The following SLC22A23 variants were observed in gnomAD, a reference collection of about 807,000 sequenced individuals.
The protein encoded by SLC22A23 is solute carrier family 22 member 23.
Under a neutral mutation model 61.0 loss-of-function variants are expected in SLC22A23, and 26 were observed. The ratio of observed to expected loss-of-function variants is 0.43; its 90% confidence interval spans 0.31 to 0.59. The LOEUF (loss-of-function observed/expected upper bound fraction) is 0.59, where lower values mean the gene tolerates loss of function less well. Among genes scored for constraint, SLC22A23 ranks in the 20% least tolerant of loss-of-function variants. The pLI is 0.11. For missense variants in SLC22A23, 796 were observed against 934.7 expected (o/e 0.85, Z 1.94); for synonymous variants, 430 against 413.9 (o/e 1.04, Z -0.47).
chr6:3,428,685 A>G (rs1410762305), intron 1 of SLC22A23, among the ~76,000 whole-genome samples: 5 of 152,194 alleles, frequency 3.3e-5, no homozygotes, highest in African/African-American at 9.7e-5. Context: ...AAAATATATT[A>G]ATAAAATTAA....
Position 3,414,908 on chromosome 6 carries a change from C to T in SLC22A23, c.758+844G>A, listed in dbSNP as rs764768954. On this transcript the variant is annotated intron_variant, in intron 2 of 9. Coordinates refer to ENST00000406686, the MANE Select transcript of SLC22A23 (RefSeq NM_015482.2). This position sits in a 1 kb window ranked among gnomAD's most constrained non-coding sequence, Gnocchi z 5.1. ...GACCACAGAATGCCTTAAATAAAAGCGCTGCAGCATCCTGGTGGAGGGGCA... is the reference window on the plus strand; with the variant it reads ...GACCACAGAATGCCTTAAATAAAAGTGCTGCAGCATCCTGGTGGAGGGGCA... Among the ~76,000 whole-genome samples the T allele has an allele frequency of 6.6e-6, 1 of 152,136 alleles. No individual in the cohort carries two copies. The highest frequency in any genetic ancestry group is 1.5e-5 in the Non-Finnish European group (1 of 68,030).
chr6:3,295,362 G>A (rs914976270), intron 5 of SLC22A23, among the ~76,000 whole-genome samples: 5 of 152,166 alleles, frequency 3.3e-5, no homozygotes, highest in African/African-American at 1.2e-4. Context: ...AGAGGGAGAC[G>A]GTGGTGTGTC....
At position 3,324,246 on chromosome 6, in the gene SLC22A23, T is replaced by C; in HGVS notation, c.914-244A>G. On this transcript the variant is annotated intron_variant, in intron 3 of 9. Coordinates refer to ENST00000406686, the MANE Select transcript of SLC22A23 (RefSeq NM_015482.2). This position sits in a 1 kb window ranked among gnomAD's most constrained non-coding sequence, Gnocchi z 4.3. ...GCTAGTCGATGACGAAGGGATGCTA[T>C]AATTCAGAGGAGCTTAGCTCAGAAA... 3.8e-6 allele frequency: 2 copies of C among 532,666 alleles called. No individual in the cohort carries two copies. The highest frequency in any genetic ancestry group is 2.5e-5 in the South Asian group (1 of 39,540). The allele number at this position is 532,666 out of a possible 1,614,324, so 33.0% of individuals were successfully genotyped here. A position where few individuals can be genotyped will look rare whatever the true frequency, so the allele number is the denominator to read the frequency against.
At chr6:3,339,092 A>T (rs1176857578) in intron 3 of SLC22A23, among the ~76,000 whole-genome samples, 2 of 152,236 alleles carry the variant, frequency 1.3e-5, no homozygotes, top group Non-Finnish European at 2.9e-5. Flanking sequence ...GGAGCCAGTC[A>T]TTTCTTAAGT....
chr6:3,427,072 G>A lies in SLC22A23; in HGVS notation c.655-11217C>T, dbSNP rs112522060. Among the ~76,000 whole-genome samples the A allele has an allele frequency of 2.1e-3, 318 of 152,338 alleles. No individual in the cohort carries two copies. The highest frequency in any genetic ancestry group is 7.1e-3 in the African/African-American group (296 of 41,582). On this transcript the variant is annotated intron_variant, in intron 1 of 9. Coordinates refer to ENST00000406686, the MANE Select transcript of SLC22A23 (RefSeq NM_015482.2). This position sits in a 1 kb window ranked among gnomAD's most constrained non-coding sequence, Gnocchi z 4.3. ...AGCTGGGATGCAGGCTAAGAGCTCG[G>A]AGTTTGAGCCTGATAAGCCCCAGTT...
At chr6:3,439,040 G>A (rs1010373676) in intron 1 of SLC22A23, among the ~76,000 whole-genome samples, 6 of 147,906 alleles carry the variant, frequency 4.1e-5, no homozygotes, top group Admixed American at 6.6e-5. Context: ...AGTCTAGACC[G>A]GGGTTTCTCA....
chr6:3,302,404 T>C (rs1376650147), intron 4 of SLC22A23, among the ~76,000 whole-genome samples: 2 of 152,188 alleles, frequency 1.3e-5, no homozygotes, highest in East Asian at 3.8e-4. Flanking sequence ...TGATCTTCTC[T>C]ATGGTTTTGT....
intron 1 of SLC22A23, among the ~76,000 whole-genome samples, chr6:3,446,777 A>C (rs1202158196): frequency 6.6e-6 from 1 of 152,138 alleles, no homozygotes; most frequent in Non-Finnish European, 1.5e-5. Flanking sequence ...ACAGAGCCCC[A>C]AGTCTCCATC....
In SLC22A23 at chr6:3,446,910, C is replaced by G. The variant is rs78778348; in HGVS notation, c.654+8996G>C. ...TCTCCCTGGTATCTCCCGAGAGTGT[C>G]TGCCTCCCCGTCAGCCCTGGGGGAG... On this transcript the variant is annotated intron_variant, in intron 1 of 9. Coordinates refer to ENST00000406686, the MANE Select transcript of SLC22A23 (RefSeq NM_015482.2). 1.2e-4 allele frequency among the ~76,000 whole-genome samples: 18 copies of G among 152,306 alleles called. No individual in the cohort carries two copies. The East Asian group carries it at 1.7e-3, about 15-fold the overall frequency.
rs567013581 is a variant in SLC22A23, at chr6:3,364,224, G to A, written c.914-40222C>T. On this transcript the variant is annotated intron_variant, in intron 3 of 9. Transcript: ENST00000406686. Reference sequence around the variant, plus strand: ...TTATGGTGCCACCAAACACTTGTACGGGGTTTCATGGCTTCTAAAACCTCT... The same window carrying A: ...TTATGGTGCCACCAAACACTTGTACAGGGTTTCATGGCTTCTAAAACCTCT... Among the ~76,000 whole-genome samples the A allele has an allele frequency of 6.6e-5, 10 of 152,272 alleles. No individual in the cohort carries two copies. The East Asian group carries it at 7.7e-4, about 12-fold the overall frequency.
At position 3,372,717 on chromosome 6, in the gene SLC22A23, T is replaced by C. The variant is rs1218588098; in HGVS notation, c.913+37471A>G. On this transcript the variant is annotated intron_variant, in intron 3 of 9. Coordinates refer to ENST00000406686, the MANE Select transcript of SLC22A23 (RefSeq NM_015482.2). This position sits in a 1 kb window ranked among gnomAD's most constrained non-coding sequence, Gnocchi z 4.7. Reference sequence around the variant, plus strand: ...TGGAGCACAGCCGGGGCGTTAGATATGGAGCCTCAGGGTGCGCAAGTCCTA... The same window carrying C: ...TGGAGCACAGCCGGGGCGTTAGATACGGAGCCTCAGGGTGCGCAAGTCCTA... 2.0e-5 allele frequency among the ~76,000 whole-genome samples: 3 copies of C among 152,224 alleles called. No individual in the cohort carries two copies. Among genetic ancestry groups the C allele is most frequent in the East Asian group, 1.9e-4 (1 of 5,198 alleles).
chr6:3,379,848 C>T (rs1449343971), intron 3 of SLC22A23, among the ~76,000 whole-genome samples: 2 of 152,126 alleles, frequency 1.3e-5, no homozygotes, highest in African/African-American at 4.8e-5. Flanking sequence ...TCAAAGGGTT[C>T]CTGTGGTTTC....
chr6:3,305,164 G>A (rs1047531082), intron 4 of SLC22A23, among the ~76,000 whole-genome samples: 4 of 152,136 alleles, frequency 2.6e-5, no homozygotes, highest in East Asian at 1.9e-4. Flanking sequence ...ATATAGTGGC[G>A]CTATAATTAA....
chr6:3,422,362 C>T (rs1417887590), intron 1 of SLC22A23, among the ~76,000 whole-genome samples: 1 of 152,138 alleles, frequency 6.6e-6, no homozygotes, highest in Non-Finnish European at 1.5e-5. Flanking sequence ...GAAGATGAGT[C>T]ACAGACGGAC....
intron 3 of SLC22A23, among the ~76,000 whole-genome samples, chr6:3,356,191 A>ATAGC (rs34036269): frequency 7.5e-6 from 1 of 133,830 alleles, no homozygotes; most frequent in Non-Finnish European, 1.6e-5. Context: ...GAAACATCTC[A>ATAGC]TAATCACGAA....
At chr6:3,430,099 A>G (rs1263345391) in intron 1 of SLC22A23, among the ~76,000 whole-genome samples, 1 of 152,274 alleles carries the variant, frequency 6.6e-6, no homozygotes, top group African/African-American at 2.4e-5. Context: ...TGTTATCTTC[A>G]GGAAATGGGC....
chr6:3,395,378 G>A (rs1767940749), intron 3 of SLC22A23, among the ~76,000 whole-genome samples: 1 of 152,182 alleles, frequency 6.6e-6, no homozygotes, highest in Non-Finnish European at 1.5e-5. Context: ...CTGAGCCTGA[G>A]CGTCAGGCAG....
chr6:3,315,799 G>C (rs1183691853), intron 4 of SLC22A23, among the ~76,000 whole-genome samples: 2 of 152,068 alleles, frequency 1.3e-5, no homozygotes, highest in African/African-American at 4.8e-5. Flanking sequence ...AGGAGGCAGA[G>C]CTTGCAGTGA....
At chr6:3,437,710 T>C (rs1771315048) in intron 1 of SLC22A23, among the ~76,000 whole-genome samples, 1 of 147,940 alleles carries the variant, frequency 6.8e-6, no homozygotes, top group Non-Finnish European at 1.5e-5. Flanking sequence ...AAATAAATAA[T>C]AATAATTTTA....
Sources: gnomAD v4.1 joint callset for allele counts (sites outside exome capture counted in the v4.1 genomes callset) on GRCh38, gnomAD v4.1.1 for gene constraint, Gnocchi (gnomAD v3.1) non-coding constraint, MANE v1.5 for transcripts, NCBI Gene and HGNC (gene_info 2026-07-23, HGNC 2026-07-21) for gene names.